ESCO1: variants seen among roughly 807,000 people sequenced by gnomAD.
ESCO1 encodes the protein establishment of sister chromatid cohesion N-acetyltransferase 1.
A neutral mutation model predicts 83.5 loss-of-function variants in ESCO1; 33 were observed. That is an observed-to-expected ratio of 0.40 (90% confidence interval 0.30 to 0.53). The LOEUF is 0.53. Among genes scored for constraint, ESCO1 ranks in the 20% least tolerant of loss-of-function variants. The pLI is 0.63. For synonymous variants in ESCO1, 332 were observed against 324.3 expected (o/e 1.02, Z -0.25); for missense variants, 855 against 968.0 (o/e 0.88, Z 1.55).
intron 4 of ESCO1, among the ~76,000 whole-genome samples, chr18:21,568,546 A>C (rs2038294642): frequency 6.6e-6 from 1 of 152,204 alleles, no homozygotes; most frequent in African/African-American, 2.4e-5. Context: ...CTAACTAGTG[A>C]GTGCACTTAA....
chr18:21,561,714 C>G (rs576930315), intron 7 of ESCO1, among the ~76,000 whole-genome samples: 6 of 152,086 alleles, frequency 3.9e-5, no homozygotes, highest in Admixed American at 1.3e-4. Context: ...AGGCATGAGC[C>G]ACCACGCCTC....
At position 21,529,869 on chromosome 18, in the gene ESCO1, T is replaced by C. The variant is rs1273043290; in HGVS notation, c.*474A>G. On this transcript the variant is annotated 3_prime_UTR_variant, in exon 12 of 12. Transcript: ENST00000269214. ...GCTTCAAATTCCAAAACACTTAATATTGCACCCTCCTTGAACAATAACTAA... is the reference window on the plus strand; with the variant it reads ...GCTTCAAATTCCAAAACACTTAATACTGCACCCTCCTTGAACAATAACTAA... 1 of 152,720 alleles carries C rather than the reference T, an allele frequency of 6.5e-6. No individual in the cohort carries two copies. The highest frequency in any genetic ancestry group is 2.4e-5 in the African/African-American group (1 of 41,440). The allele number at this position is 152,720 out of a possible 1,614,324, so 9.5% of individuals were successfully genotyped here.
In ESCO1 at chr18:21,573,550, G is replaced by A. The variant is rs149363245; in HGVS notation, c.1294C>T (p.Pro432Ser). 5.0e-4 allele frequency: 802 copies of A among 1,614,028 alleles called. 5 individuals are homozygous for A. The highest frequency in any genetic ancestry group is 1.5e-3 in the Middle Eastern group (9 of 6,060). ...FSPPALEMHH[P>S]VTQSTFLGTK... ...CCTAAAAACGTACTTTGAGTCACTG[G>A]ATGATGCATTTCTAAAGCTGGTGGT... Residue 432 changes from proline (P) to serine (S), a missense_variant, in exon 4 of 12, where the codon CCA (proline) becomes TCA (serine). Pro to Ser is a moderately conservative substitution (Grantham distance 74, BLOSUM62 -1). Around this residue, in one of 2 missense-constraint regions of ESCO1, gnomAD observed 726 missense variants for 699.5 expected, o/e 1.04. Transcript: ENST00000269214.
chr18:21,542,687 C>T lies in ESCO1; in HGVS notation c.1954-2678G>A, dbSNP rs557108067. Among the ~76,000 whole-genome samples the T allele has an allele frequency of 7.9e-5, 12 of 152,234 alleles. No individual in the cohort carries two copies. The South Asian group carries it at 2.5e-3, about 32-fold the overall frequency. On this transcript the variant is annotated intron_variant, in intron 8 of 11. Transcript: ENST00000269214. ...TAAATGTTCCCAAGGGTAAATACAG[C>T]AATAAATTCAAATCATAGGCAAATA...
chr18:21,530,387 G>T lies in ESCO1; in HGVS notation c.2479C>A (p.Gln827Lys), dbSNP rs1458392524. ...TTAATAAAATTATATACCAGAAATT[G>T]ACCAGTGCCACAGTACTGTGTTGCA... Reference protein sequence around the residue: ...LFATQYCGTGQFLVYNFINGQ... With the variant: ...LFATQYCGTGKFLVYNFINGQ... The change falls in exon 12 of 12, where the codon CAA (glutamine) becomes AAA (lysine). Residue 827 changes from glutamine (Q) to lysine (K), a missense_variant. This residue lies in a region of ESCO1 where 129 missense variants were observed against 268.5 expected (regional missense o/e 0.48). Transcript: ENST00000269214. 1 of 1,604,116 alleles carries T rather than the reference G, an allele frequency of 6.2e-7. No individual in the cohort carries two copies. Among genetic ancestry groups the T allele is most frequent in the East Asian group, 2.2e-5 (1 of 44,636 alleles).
At chr18:21,531,696 G>A (rs2037769107) in intron 11 of ESCO1, among the ~76,000 whole-genome samples, 1 of 151,938 alleles carries the variant, frequency 6.6e-6, no homozygotes, top group South Asian at 2.1e-4. Context: ...GCTCACGCCT[G>A]TAATCCCAGC....
chr18:21,579,794 G>GCGCGCGCACACACACA (rs1192534759), intron 2 of ESCO1, among the ~76,000 whole-genome samples: 2 of 37,126 alleles, frequency 5.4e-5, no homozygotes, highest in African/African-American at 1.1e-4. Flanking sequence ...ACGCGCGCGC[G>GCGCGCGCACACACACA]CACACACACA....
At chr18:21,583,426 G>A (rs753053847) in intron 2 of ESCO1, among the ~76,000 whole-genome samples, 11 of 152,016 alleles carry the variant, frequency 7.2e-5, no homozygotes, top group Admixed American at 1.3e-4. Flanking sequence ...GGCAGATCAC[G>A]TGAGGTCAGG....
chr18:21,540,542 A>T, intron 8 of ESCO1: 3 of 1,287,826 alleles, frequency 2.3e-6, no homozygotes, highest in Non-Finnish European at 3.0e-6. Flanking sequence ...CAACTACCAA[A>T]GCCACAAGAA....
chr18:21,594,471 T>C (rs2038730355), intron 1 of ESCO1, among the ~76,000 whole-genome samples: 1 of 152,084 alleles, frequency 6.6e-6, no homozygotes, highest in African/African-American at 2.4e-5. Context: ...CATTCTAAAA[T>C]GCCTAATAGA....
intron 1 of ESCO1, among the ~76,000 whole-genome samples, chr18:21,589,487 A>C (rs1244972118): frequency 6.6e-6 from 1 of 152,054 alleles, no homozygotes; most frequent in Admixed American, 6.5e-5. Flanking sequence ...CACCACTGGA[A>C]ACTTCTAGCT....
intron 1 of ESCO1, among the ~76,000 whole-genome samples, chr18:21,588,970 G>A (rs1423826328): frequency 2.0e-5 from 3 of 151,996 alleles, no homozygotes; most frequent in African/African-American, 4.8e-5. Context: ...GGCTGGGCGC[G>A]GTGGCTCACG....
At position 21,574,605 on chromosome 18, in the gene ESCO1, G is replaced by T; in HGVS notation, c.239C>A (p.Thr80Asn). 1.2e-6 allele frequency: 2 copies of T among 1,613,958 alleles called. No homozygotes were observed. Among genetic ancestry groups the T allele is most frequent in the East Asian group, 2.2e-5 (1 of 44,862 alleles). Reference sequence around the variant, plus strand: ...CACCGTATTTTTATTAATGGATTTAGTAGCTTTATCATTAGATGCTGCCTT... The same window carrying T: ...CACCGTATTTTTATTAATGGATTTATTAGCTTTATCATTAGATGCTGCCTT... ...SSKAASNDKA[T>N]KSINKNTVTV... Residue 80 changes from threonine to asparagine, a missense_variant, in exon 4 of 12, where the codon ACT (threonine) becomes AAT (asparagine). Physicochemically the swap from Thr to Asn is moderately conservative, Grantham distance 65 (BLOSUM62 0). Transcript: ENST00000269214.
chr18:21,537,298 A>G (rs746363571), intron 9 of ESCO1, among the ~76,000 whole-genome samples: 21 of 152,326 alleles, frequency 1.4e-4, no homozygotes, highest in Non-Finnish European at 2.8e-4. Context: ...TGATGCCTAT[A>G]ATCCCAGCAC....
At chr18:21,589,961 G>C (rs1011904715) in intron 1 of ESCO1, among the ~76,000 whole-genome samples, 1 of 151,780 alleles carries the variant, frequency 6.6e-6, no homozygotes, top group Non-Finnish European at 1.5e-5. Flanking sequence ...CCGAGTAGCT[G>C]GGACTACAGG....
chr18:21,572,977 A>G (rs2038360580), intron 4 of ESCO1, among the ~76,000 whole-genome samples: 1 of 151,846 alleles, frequency 6.6e-6, no homozygotes, highest in Non-Finnish European at 1.5e-5. Context: ...AAAAAAAAAA[A>G]GTAGTCCCTA....
At chr18:21,552,299 TTA>T (rs1480493758) in intron 8 of ESCO1, among the ~76,000 whole-genome samples, 4 of 152,172 alleles carry the variant, frequency 2.6e-5, no homozygotes, top group Non-Finnish European at 5.9e-5. Context: ...TCATCTTGAA[TTA>T]TAGTTTCCAT....
intron 1 of ESCO1, among the ~76,000 whole-genome samples, chr18:21,594,626 C>T (rs2038733304): frequency 6.6e-6 from 1 of 151,996 alleles, no homozygotes; most frequent in African/African-American, 2.4e-5. Flanking sequence ...ATGGTGTGAA[C>T]CCAGGAGGCG....
intron 1 of ESCO1, among the ~76,000 whole-genome samples, chr18:21,599,544 C>T (rs2038811626): frequency 6.6e-6 from 1 of 152,116 alleles, no homozygotes; most frequent in African/African-American, 2.4e-5. Context: ...CACCAAGTAG[C>T]GCTTTTGTTT....
Sources: allele counts gnomAD v4.1 joint callset (sites outside exome capture counted in the v4.1 genomes callset), GRCh38; gene constraint gnomAD v4.1.1; regional missense constraint gnomAD v4.1.1; transcripts MANE v1.5; gene names NCBI Gene and HGNC (gene_info 2026-07-23, HGNC 2026-07-21).